The following SOBP variants were observed in gnomAD, a reference collection of about 807,000 sequenced individuals.
SOBP encodes the protein sine oculis binding protein homolog, also known as sine oculis-binding protein homolog.
A neutral mutation model predicts 53.6 loss-of-function variants in SOBP; 4 were observed. The ratio of observed to expected loss-of-function variants is 0.07; its 90% CI spans 0.04 to 0.17. SOBP has a LOEUF of 0.17. Ranked by LOEUF, SOBP falls within the 10% of genes least tolerant of loss-of-function variation. The pLI is 1.00. For missense variants in SOBP, 1,088 were observed against 1,204.7 expected, an observed-to-expected ratio of 0.90 and a Z score of 1.43; for synonymous variants, 584 against 522.6, an observed-to-expected ratio of 1.12 and a Z score of -1.60.
chr6:107,567,407 G>A (rs887015364), intron 4 of SOBP, among the ~76,000 whole-genome samples: 1 of 152,204 alleles, frequency 6.6e-6, no homozygotes, highest in Non-Finnish European at 1.5e-5. Context: ...GCCTTGGCTA[G>A]CAGGGCACAT....
chr6:107,651,021 T>A (rs1771780815), intron 6 of SOBP, among the ~76,000 whole-genome samples: 1 of 152,158 alleles, frequency 6.6e-6, no homozygotes, highest in African/African-American at 2.4e-5. Context: ...ATCCCAGCAC[T>A]TTGGGAGGCT....
chr6:107,638,617 A>G (rs1771162673), intron 6 of SOBP, among the ~76,000 whole-genome samples: 1 of 152,214 alleles, frequency 6.6e-6, no homozygotes, highest in Admixed American at 6.5e-5. Context: ...CACTAAATAA[A>G]GGACCGTATG....
At chr6:107,548,295 C>A (rs1410560453) in intron 4 of SOBP, among the ~76,000 whole-genome samples, 1 of 150,796 alleles carries the variant, frequency 6.6e-6, no homozygotes, top group Non-Finnish European at 1.5e-5. Flanking sequence ...GCTCTGTTGC[C>A]CACGCTGGAG....
chr6:107,497,695 A>G (rs1284974247), intron 1 of SOBP, among the ~76,000 whole-genome samples: 1 of 152,186 alleles, frequency 6.6e-6, no homozygotes, highest in Non-Finnish European at 1.5e-5. Context: ...ATAAAAATGT[A>G]TCTACAGTAT....
At chr6:107,616,704 G>A (rs1318666431) in intron 5 of SOBP, among the ~76,000 whole-genome samples, 3 of 152,230 alleles carry the variant, frequency 2.0e-5, no homozygotes, top group African/African-American at 4.8e-5. Context: ...CGCTCTCTGC[G>A]AGGGGCCGAG....
intron 4 of SOBP, chr6:107,558,102 A>G (rs1784667077): frequency 6.8e-6 from 1 of 148,104 alleles, no homozygotes; most frequent in East Asian, 1.9e-4. Flanking sequence ...TGATTATAAG[A>G]TGTAGGCTGT....
At chr6:107,539,397 C>T (rs1308962385) in intron 4 of SOBP, among the ~76,000 whole-genome samples, 2 of 152,108 alleles carry the variant, frequency 1.3e-5, no homozygotes, top group South Asian at 2.1e-4. Context: ...AATCAGAATC[C>T]GGTCACCTGG....
In SOBP at chr6:107,490,455, G is replaced by C; in HGVS notation, c.-162G>C. 8 of 597,406 alleles carry C rather than the reference G, an allele frequency of 1.3e-5. 1 individual carries two copies. The highest frequency in any genetic ancestry group is 2.4e-5 in the Non-Finnish European group (8 of 336,652). The allele number at this position is 597,406 out of a possible 1,614,324, so 37.0% of individuals were successfully genotyped here. On this transcript the variant is annotated 5_prime_UTR_variant, in exon 1 of 7. Transcript: ENST00000317357. ...CCGCTAGAAGAGACCCCGCTTCTCG[G>C]CGCCTGCCCTCCCCCTCGCGGCTCG...
At chr6:107,500,683 G>C (rs561226605) in intron 1 of SOBP, among the ~76,000 whole-genome samples, 8 of 151,492 alleles carry the variant, frequency 5.3e-5, no homozygotes, top group African/African-American at 1.7e-4. Flanking sequence ...CACTACGCCC[G>C]GCTAATTTTT....
intron 3 of SOBP, among the ~76,000 whole-genome samples, chr6:107,513,384 C>T (rs920513397): frequency 2.0e-5 from 3 of 152,128 alleles, no homozygotes; most frequent in Admixed American, 6.5e-5. Flanking sequence ...GAAACAGTCA[C>T]GTGATCTGCT....
At position 107,560,012 on chromosome 6, in the gene SOBP, G is replaced by T. The variant is rs570060398; in HGVS notation, c.573+26402G>T. Among the ~76,000 whole-genome samples the T allele has an allele frequency of 8.5e-5, 13 of 152,292 alleles. No homozygotes were observed. In the East Asian group the frequency reaches 2.5e-3, roughly 29 times the overall value. On this transcript the variant is annotated intron_variant, in intron 4 of 6. Coordinates refer to ENST00000317357, the MANE Select transcript of SOBP (RefSeq NM_018013.4). ...GAGAGGGTGGCCTGATGTCCTGGTT[G>T]TCTATCAGAGGGAGCCCAGAAAAAG...
At chr6:107,535,953 A>T (rs1360275262) in intron 4 of SOBP, among the ~76,000 whole-genome samples, 2 of 152,194 alleles carry the variant, frequency 1.3e-5, no homozygotes, top group Non-Finnish European at 2.9e-5. Flanking sequence ...CAAAGTCCTT[A>T]GTCCTTGTTA....
At chr6:107,631,193 C>A (rs568200379) in intron 5 of SOBP, among the ~76,000 whole-genome samples, 5 of 151,884 alleles carry the variant, frequency 3.3e-5, no homozygotes, top group Non-Finnish European at 5.9e-5. Flanking sequence ...TTCAGAAAAC[C>A]CTTCTCCCTT....
At chr6:107,557,280 A>T (rs1390992241) in intron 4 of SOBP, among the ~76,000 whole-genome samples, 1 of 152,232 alleles carries the variant, frequency 6.6e-6, no homozygotes, top group Non-Finnish European at 1.5e-5. Flanking sequence ...TTGTATAAGT[A>T]ATTAGTGAAT....
Position 107,499,137 on chromosome 6 carries a change from C to T in SOBP, c.97-4520C>T, listed in dbSNP as rs561128899. Among the ~76,000 whole-genome samples the T allele has an allele frequency of 3.9e-4, 60 of 152,118 alleles. 1 individual carries two copies. The South Asian group carries it at 0.011, about 27-fold the overall frequency. On this transcript the variant is annotated intron_variant, in intron 1 of 6. Transcript: ENST00000317357. ...TATCTTTGCAGCTCTTTGATTGGTC[C>T]GGGAGGTAGCTTCTTTGCAATTGCG...
intron 4 of SOBP, among the ~76,000 whole-genome samples, chr6:107,577,544 C>T (rs1785267220): frequency 6.6e-6 from 1 of 152,162 alleles, no homozygotes; most frequent in African/African-American, 2.4e-5. Context: ...ATACCGAATG[C>T]CAGGAATACA....
chr6:107,619,884 G>A (rs1008245223), intron 5 of SOBP, among the ~76,000 whole-genome samples: 1 of 152,076 alleles, frequency 6.6e-6, no homozygotes, highest in African/African-American at 2.4e-5. Context: ...TACGGGATTA[G>A]GCAGGGACCT....
At chr6:107,543,722 C>T (rs1254344594) in intron 4 of SOBP, among the ~76,000 whole-genome samples, 1 of 152,118 alleles carries the variant, frequency 6.6e-6, no homozygotes, top group African/African-American at 2.4e-5. Context: ...ATGTGTCATG[C>T]CTGTCTACCC....
chr6:107,532,239 T>TCA (rs1048410823), intron 3 of SOBP, among the ~76,000 whole-genome samples: 31 of 66,928 alleles, frequency 4.6e-4, no homozygotes, highest in Middle Eastern at 0.017. Context: ...TCTCTCTCTC[T>TCA]CTCACACACA....
Sources: allele counts gnomAD v4.1 joint callset (sites outside exome capture counted in the v4.1 genomes callset), GRCh38; gene constraint gnomAD v4.1.1; transcripts MANE v1.5; gene names NCBI Gene and HGNC (gene_info 2026-07-23, HGNC 2026-07-21).